Variants in UBE2E3 observed in about 807,000 individuals in gnomAD.
UBE2E3 encodes ubiquitin conjugating enzyme E2 E3, also known as ubiquitin-conjugating enzyme E2 E3.
A neutral mutation model predicts 23.6 loss-of-function variants in UBE2E3; 5 were observed. The observed-to-expected ratio is 0.21, with a 90% CI of 0.11 to 0.44. UBE2E3 has a LOEUF of 0.44. Among genes scored for constraint, UBE2E3 ranks in the 20% least tolerant of loss-of-function variants. The pLI is 0.99. For synonymous variants in UBE2E3, 78 were observed against 87.5 expected, an observed-to-expected ratio of 0.89 and a Z score of 0.60; for missense variants, 81 against 249.8, an observed-to-expected ratio of 0.32 and a Z score of 4.55.
At chr2:180,991,783 C>T (rs571409499) in intron 3 of UBE2E3, among the ~76,000 whole-genome samples, 42 of 152,108 alleles carry the variant, frequency 2.8e-4, no homozygotes, top group African/African-American at 9.4e-4. Context: ...AGAGCATATA[C>T]AGTATGGATA....
intron 3 of UBE2E3, among the ~76,000 whole-genome samples, chr2:181,023,188 C>A (rs1344825190): frequency 6.6e-6 from 1 of 152,166 alleles, no homozygotes. Flanking sequence ...ACATCAGGAA[C>A]CATCTTTATA....
intron 3 of UBE2E3, among the ~76,000 whole-genome samples, chr2:180,991,159 C>CT (rs1004945708): frequency 9.9e-5 from 11 of 110,932 alleles, no homozygotes; most frequent in Non-Finnish European, 1.7e-4. Context: ...ATTTTTTTTT[C>CT]TTTTTTTTCA....
chr2:181,042,781 T>G (rs539969088), intron 3 of UBE2E3, among the ~76,000 whole-genome samples: 6 of 152,276 alleles, frequency 3.9e-5, no homozygotes, highest in Non-Finnish European at 8.8e-5. Context: ...TTGGAAGTAG[T>G]GATAAAGAAA....
intron 3 of UBE2E3, among the ~76,000 whole-genome samples, chr2:181,019,342 C>T (rs1170258335): frequency 1.3e-5 from 2 of 152,186 alleles, no homozygotes; most frequent in East Asian, 1.9e-4. Flanking sequence ...TCAGCCGGTG[C>T]TCAAAATGTG....
intron 3 of UBE2E3, among the ~76,000 whole-genome samples, chr2:181,050,691 A>C (rs368523342): frequency 6.6e-6 from 1 of 151,856 alleles, no homozygotes; most frequent in Admixed American, 6.6e-5. Flanking sequence ...TTAGCTCTGC[A>C]TATACGACCC....
intron 3 of UBE2E3, among the ~76,000 whole-genome samples, chr2:180,998,810 G>T (rs981165996): frequency 2.6e-5 from 4 of 152,084 alleles, no homozygotes; most frequent in Non-Finnish European, 5.9e-5. Context: ...ATCCAAAAAG[G>T]AGTAAAACAA....
At chr2:181,055,120 G>C (rs188274313) in intron 3 of UBE2E3, among the ~76,000 whole-genome samples, 1 of 151,886 alleles carries the variant, frequency 6.6e-6, no homozygotes, top group Admixed American at 6.6e-5. Flanking sequence ...TGCCTGTTGG[G>C]AATGAGTTCA....
At chr2:181,033,101 T>G (rs1308937503) in intron 3 of UBE2E3, among the ~76,000 whole-genome samples, 2 of 152,226 alleles carry the variant, frequency 1.3e-5, no homozygotes, top group African/African-American at 2.4e-5. Flanking sequence ...ACGGCCATAC[T>G]GCCCAAGGTA....
intron 5 of UBE2E3, among the ~76,000 whole-genome samples, 197 bp from the exon 6 acceptor site, chr2:181,062,594 T>A (rs1004615082): frequency 1.4e-5 from 2 of 146,378 alleles, no homozygotes; most frequent in African/African-American, 5.1e-5. Flanking sequence ...TTTTTTTTTT[T>A]ATGAAGGGGA....
At chr2:180,992,833 G>C (rs1684707559) in intron 3 of UBE2E3, among the ~76,000 whole-genome samples, 1 of 141,812 alleles carries the variant, frequency 7.1e-6, no homozygotes, top group Non-Finnish European at 1.6e-5. Flanking sequence ...AACTAATTTT[G>C]TATTTTTTTT....
intron 3 of UBE2E3, among the ~76,000 whole-genome samples, chr2:181,018,700 CCTCCAGGA>C (rs1685577156): frequency 6.6e-6 from 1 of 150,974 alleles, no homozygotes. Flanking sequence ...CTTTCCCAGT[CCTCCAGGA>C]CTCTTCATCT....
At chr2:181,028,218 GATTT>G (rs978968910) in intron 3 of UBE2E3, among the ~76,000 whole-genome samples, 49 of 151,986 alleles carry the variant, frequency 3.2e-4, no homozygotes, top group African/African-American at 9.4e-4. Context: ...CTTGTTTTAA[GATTT>G]ATTTGAGTCT....
At chr2:181,032,443 G>A (rs969700433) in intron 3 of UBE2E3, among the ~76,000 whole-genome samples, 4 of 152,058 alleles carry the variant, frequency 2.6e-5, no homozygotes, top group Non-Finnish European at 5.9e-5. Flanking sequence ...CCTATTTAAC[G>A]AACCTCTGTA....
At chr2:180,982,970 G>A (rs935152528) in intron 2 of UBE2E3, among the ~76,000 whole-genome samples, 2 of 152,180 alleles carry the variant, frequency 1.3e-5, no homozygotes, top group African/African-American at 4.8e-5. Flanking sequence ...TTAATTGGAT[G>A]TAAGTGAAAG....
At chr2:181,011,262 A>T (rs548442812) in intron 3 of UBE2E3, among the ~76,000 whole-genome samples, 17 of 152,134 alleles carry the variant, frequency 1.1e-4, no homozygotes, top group African/African-American at 3.9e-4. Context: ...TGCTGGCAGG[A>T]CCTTCTTTCT....
At chr2:181,035,796 A>C (rs1686253969) in intron 3 of UBE2E3, among the ~76,000 whole-genome samples, 1 of 152,170 alleles carries the variant, frequency 6.6e-6, no homozygotes, top group Non-Finnish European at 1.5e-5. Context: ...GTTGTACTTG[A>C]TTGTTCCCAA....
intron 3 of UBE2E3, among the ~76,000 whole-genome samples, chr2:181,021,632 T>TTTCCTCCCTTCC (rs1685699890): frequency 2.5e-5 from 1 of 39,994 alleles, no homozygotes; most frequent in East Asian, 9.0e-4. Context: ...CCCTCCCTTT[T>TTTCCTCCCTTCC]TTCCTTCCTT....
chr2:181,033,181 T>A (rs1382530264), intron 3 of UBE2E3, among the ~76,000 whole-genome samples: 1 of 152,150 alleles, frequency 6.6e-6, no homozygotes, highest in Non-Finnish European at 1.5e-5. Context: ...AACAACTACT[T>A]TAAAGTTCAT....
intron 3 of UBE2E3, among the ~76,000 whole-genome samples, chr2:181,009,060 AT>A (rs1685238110): frequency 6.6e-6 from 1 of 152,146 alleles, no homozygotes; most frequent in Non-Finnish European, 1.5e-5. Flanking sequence ...ACAGATAACC[AT>A]TTGTATAAAA....
Sources: gnomAD v4.1 joint callset for allele counts (sites outside exome capture counted in the v4.1 genomes callset) on GRCh38, gnomAD v4.1.1 for gene constraint, MANE v1.5 for transcripts, NCBI Gene and HGNC (gene_info 2026-07-23, HGNC 2026-07-21) for gene names.